Variants in MYCT1 observed in about 807,000 individuals in gnomAD.
MYCT1 encodes the protein MYC target 1.
In MYCT1, 12 loss-of-function variants were observed where a neutral mutation model predicts 15.0. The ratio of observed to expected loss-of-function variants is 0.80; its 90% CI spans 0.51 to 1.29. The LOEUF (loss-of-function observed/expected upper bound fraction) is 1.29, where lower values mean the gene tolerates loss of function less well. MYCT1 is among the 50% of genes most tolerant of loss of function. The pLI is 0.00. For missense variants in MYCT1, 287 were observed against 279.1 expected (o/e 1.03, Z -0.20); for synonymous variants, 104 against 102.7 (o/e 1.01, Z -0.07).
At chr6:152,744,460 T>C in the MYCT1 span, among the ~76,000 whole-genome samples, 2 of 151,926 alleles carry the variant, frequency 1.3e-5, no homozygotes, top group Non-Finnish European at 2.9e-5. Context: ...CAAAGGTGAA[T>C]TGAGGAGAGT....
At chr6:152,734,718 G>T in the MYCT1 span, among the ~76,000 whole-genome samples, 7 of 151,982 alleles carry the variant, frequency 4.6e-5, no homozygotes, top group African/African-American at 1.7e-4. Flanking sequence ...CCACCCCAAG[G>T]TATTTGCATA....
In MYCT1 at chr6:152,724,546, G is replaced by A. The variant is rs2129071219; in HGVS notation, c.*2293G>A. On this transcript the variant is annotated 3_prime_UTR_variant, in exon 2 of 2. Transcript: ENST00000367245. ...TAATTTGAAATGTTTTGTGGATTGT[G>A]AAATAAAAATAAATTTATGTCAAGT... 1 of 152,170 alleles carries A rather than the reference G, an allele frequency of 6.6e-6. No homozygotes were observed. The highest frequency in any genetic ancestry group is 2.4e-5 in the African/African-American group (1 of 41,524). 9.4% of individuals were successfully genotyped at this position (152,170 alleles called of 1,614,324 possible).
intron 1 of MYCT1, among the ~76,000 whole-genome samples, chr6:152,721,404 T>C (rs1259136868): frequency 6.6e-6 from 1 of 152,220 alleles, no homozygotes; most frequent in Admixed American, 6.5e-5. Context: ...TTGGGCTACA[T>C]TTGCAGCTCT....
rs34309848 is a variant in MYCT1, at chr6:152,721,788, A to T, written c.243A>T (p.Val81=). ...CTGTATCCATGGCAATCGGGCTGGT[A>T]CTTGGAGGATTTATTTGGGCTGTGT... ...SFTVSMAIGL[V]LGGFIWAVFI... The change falls in exon 2 of 2, where the codon GTA becomes GTT. Residue 81 remains valine, a synonymous_variant. Transcript: ENST00000367245. 12,056 of 1,614,050 alleles carry T rather than the reference A, an allele frequency of 7.5e-3. 64 individuals carry two copies. The highest frequency in any genetic ancestry group is 9.1e-3 in the Non-Finnish European group (10,736 of 1,180,000).
At chr6:152,744,438 C>CTTG in the MYCT1 span, among the ~76,000 whole-genome samples, 1 of 151,878 alleles carries the variant, frequency 6.6e-6, no homozygotes, top group Non-Finnish European at 1.5e-5. Flanking sequence ...AGGAAGGACT[C>CTTG]AAGGCTCTTT....
At chr6:152,729,583 TA>T in the MYCT1 span, among the ~76,000 whole-genome samples, 1 of 152,290 alleles carries the variant, frequency 6.6e-6, no homozygotes, top group South Asian at 2.1e-4. Context: ...AAATCCAAGG[TA>T]CAGCTGCCAC....
At chr6:152,706,518 G>C (rs942154614) in intron 1 of MYCT1, among the ~76,000 whole-genome samples, 2 of 152,084 alleles carry the variant, frequency 1.3e-5, no homozygotes, top group Non-Finnish European at 2.9e-5. Flanking sequence ...TCTGTGGAGA[G>C]TGAGAATAAT....
downstream of MYCT1, among the ~76,000 whole-genome samples, chr6:152,728,713 T>G (rs1304253125): frequency 1.3e-5 from 2 of 151,968 alleles, no homozygotes; most frequent in African/African-American, 4.8e-5. Context: ...CTGGGCAACA[T>G]AGCAAGACCT....
chr6:152,741,348 G>A, the MYCT1 span, among the ~76,000 whole-genome samples: 7 of 152,166 alleles, frequency 4.6e-5, no homozygotes, highest in East Asian at 1.4e-3. Flanking sequence ...TCAGCAAAAA[G>A]GAGGAGATTC....
chr6:152,704,700 T>C (rs1390665230), intron 1 of MYCT1, among the ~76,000 whole-genome samples: 4 of 152,206 alleles, frequency 2.6e-5, no homozygotes, highest in Non-Finnish European at 5.9e-5. Context: ...ACTTTTTGTA[T>C]TTTCTCACTC....
intron 1 of MYCT1, among the ~76,000 whole-genome samples, chr6:152,712,497 G>A (rs2099722929): frequency 1.4e-5 from 1 of 71,966 alleles, no homozygotes; most frequent in African/African-American, 3.7e-5. Flanking sequence ...CTCGCGCACG[G>A]TGCGCACACA....
At chr6:152,715,352 T>C (rs776076832) in intron 1 of MYCT1, among the ~76,000 whole-genome samples, 2 of 152,230 alleles carry the variant, frequency 1.3e-5, no homozygotes, top group African/African-American at 2.4e-5. Context: ...TAACTAATTA[T>C]ATTCAGAATA....
chr6:152,735,712 C>G, the MYCT1 span, among the ~76,000 whole-genome samples: 1 of 151,956 alleles, frequency 6.6e-6, no homozygotes, highest in African/African-American at 2.4e-5. Context: ...TATAAATTTT[C>G]TAAAGTATTA....
In MYCT1 at chr6:152,721,983, A is replaced by G; in HGVS notation, c.438A>G (p.Arg146=). ...NLSLASLTFQ[R]QASLEQANSF... ...GCCTGGCCAGTCTCACCTTCCAGCG[A>G]CAAGCTTCCCTGGAACAAGCAAATT... Residue 146 remains arginine (R), a synonymous_variant, in exon 2 of 2, where the codon CGA becomes CGG. Transcript: ENST00000367245. 2 of 1,614,194 alleles carry G rather than the reference A, an allele frequency of 1.2e-6. No individual in the cohort carries two copies. Among genetic ancestry groups the G allele is most frequent in the Non-Finnish European group, 1.7e-6 (2 of 1,180,030 alleles).
rs1474894384 is a variant in MYCT1, at chr6:152,723,660, A to C, written c.*1407A>C. The stretch of plus-strand genomic sequence containing the variant: ...CAGATGGTCTTTGGTGCACACAGTT[A>C]TTTAAGAATCCACTTCCACAGGTGG... On this transcript the variant is annotated 3_prime_UTR_variant, in exon 2 of 2. Coordinates refer to ENST00000367245, the MANE Select transcript of MYCT1 (RefSeq NM_025107.3). The C allele has an allele frequency of 1.3e-5, 2 of 152,242 alleles. No homozygotes were observed. Among genetic ancestry groups the C allele is most frequent in the East Asian group, 3.9e-4 (2 of 5,194 alleles). The allele number at this position is 152,242 out of a possible 1,614,324, so 9.4% of individuals were successfully genotyped here. A position where few individuals can be genotyped will look rare whatever the true frequency, so the allele number is the denominator to read the frequency against.
intron 1 of MYCT1, among the ~76,000 whole-genome samples, chr6:152,708,721 C>T (rs2099722711): frequency 6.6e-6 from 1 of 151,986 alleles, no homozygotes; most frequent in African/African-American, 2.4e-5. Context: ...GATACTATTT[C>T]TGATGGTCTC....
chr6:152,708,562 A>C (rs2129069251), intron 1 of MYCT1, among the ~76,000 whole-genome samples: 1 of 152,202 alleles, frequency 6.6e-6, no homozygotes, highest in South Asian at 2.1e-4. Flanking sequence ...AGATTTATTT[A>C]TATCCTGTCC....
At chr6:152,700,168 T>C (rs2099721075) in intron 1 of MYCT1, among the ~76,000 whole-genome samples, 1 of 152,160 alleles carries the variant, frequency 6.6e-6, no homozygotes, top group Non-Finnish European at 1.5e-5. Flanking sequence ...TAAATGTCAA[T>C]CTTTTAAATT....
At chr6:152,715,998 C>G (rs1237246397) in intron 1 of MYCT1, among the ~76,000 whole-genome samples, 1 of 152,100 alleles carries the variant, frequency 6.6e-6, no homozygotes, top group Non-Finnish European at 1.5e-5. Context: ...TATGATTTGA[C>G]TTACATTTTA....
Sources: gnomAD v4.1 joint callset for allele counts (sites outside exome capture counted in the v4.1 genomes callset) on GRCh38, gnomAD v4.1.1 for gene constraint, MANE v1.5 for transcripts, NCBI Gene and HGNC (gene_info 2026-07-23, HGNC 2026-07-21) for gene names.